NPAS3: variants seen among roughly 807,000 people sequenced by gnomAD.
The protein encoded by NPAS3 is neuronal PAS domain protein 3.
NPAS3 carries 14 observed loss-of-function variants against 73.1 expected under a neutral mutation model. That is an observed-to-expected ratio of 0.19 (90% confidence interval 0.13 to 0.30). The LOEUF is 0.30. Ranked by LOEUF, NPAS3 falls within the 10% of genes least tolerant of loss-of-function variation. The probability of loss-of-function intolerance (pLI) is 1.00; values close to 1 mark genes in which losing one functional copy is unlikely to be tolerated. For missense variants in NPAS3, 1,096 were observed against 1,250.0 expected (o/e 0.88, Z 1.86); for synonymous variants, 620 against 541.5 (o/e 1.14, Z -2.01).
chr14:33,420,316 CAA>C (rs2048318358), intron 4 of NPAS3, among the ~76,000 whole-genome samples: 1 of 151,968 alleles, frequency 6.6e-6, no homozygotes, highest in Non-Finnish European at 1.5e-5. Context: ...ACTTCTTACT[CAA>C]GTGATGCTAT....
chr14:33,583,485 C>A (rs551754779), intron 5 of NPAS3: 2 of 151,748 alleles, frequency 1.3e-5, no homozygotes, highest in African/African-American at 4.8e-5. Context: ...TTTCAGTAAA[C>A]GATATATGTA....
At chr14:33,677,493 C>T (rs2059802135) in intron 6 of NPAS3, among the ~76,000 whole-genome samples, 1 of 151,926 alleles carries the variant, frequency 6.6e-6, no homozygotes, top group African/African-American at 2.4e-5. Context: ...AATACAAAAG[C>T]ATTTTATTAA....
chr14:33,463,257 C>A lies in NPAS3; in HGVS notation c.468+95989C>A, dbSNP rs549816812. 9.9e-5 allele frequency among the ~76,000 whole-genome samples: 15 copies of A among 152,270 alleles called. No homozygotes were observed. The South Asian group carries it at 2.7e-3, about 27-fold the overall frequency. ...ATCTGTAGTAATCCTTTCTAAGTAG[C>A]CATCATCCAACCAGTGATATTTTCC... On this transcript the variant is annotated intron_variant, in intron 4 of 11. Transcript: ENST00000356141.
intron 3 of NPAS3, among the ~76,000 whole-genome samples, chr14:33,291,937 T>G (rs1047527245): frequency 6.6e-6 from 1 of 152,228 alleles, no homozygotes; most frequent in Non-Finnish European, 1.5e-5. Flanking sequence ...TCACCACTCA[T>G]GAGGCTTGGC....
intron 1 of NPAS3, among the ~76,000 whole-genome samples, chr14:33,015,904 T>C (rs2039373249): frequency 6.6e-6 from 1 of 152,196 alleles, no homozygotes; most frequent in Non-Finnish European, 1.5e-5. Flanking sequence ...CCCAGAACTA[T>C]CAAAACATAT....
At chr14:33,712,085 A>G (rs562433954) in intron 6 of NPAS3, among the ~76,000 whole-genome samples, 1 of 152,276 alleles carries the variant, frequency 6.6e-6, no homozygotes, top group South Asian at 2.1e-4. Context: ...CTGCAAATTG[A>G]CATGCAAATA....
At chr14:33,409,444 T>C (rs534102801) in intron 4 of NPAS3, among the ~76,000 whole-genome samples, 15 of 152,222 alleles carry the variant, frequency 9.9e-5, no homozygotes, top group Non-Finnish European at 1.6e-4. Flanking sequence ...TGTTTCATCC[T>C]AACTTAGAAT....
intron 4 of NPAS3, among the ~76,000 whole-genome samples, chr14:33,414,697 T>C (rs1177626288): frequency 1.3e-5 from 2 of 152,118 alleles, no homozygotes; most frequent in Admixed American, 6.6e-5. Flanking sequence ...ATACTATAAA[T>C]ATAATACTAC....
chr14:33,004,363 T>C lies in NPAS3; in HGVS notation c.51-51542T>C, dbSNP rs369614980. ...TACAACACTGTACAGCATGTTATTG[T>C]ACTGAATATTGTAGGCAGTTGTAAC... is the stretch of plus-strand genomic sequence containing the variant. On this transcript the variant is annotated intron_variant, in intron 1 of 11. Coordinates refer to ENST00000356141, the Ensembl canonical transcript of NPAS3. 4.6e-5 allele frequency among the ~76,000 whole-genome samples: 7 copies of C among 152,232 alleles called. No individual in the cohort carries two copies. The East Asian group carries it at 1.3e-3, about 29-fold the overall frequency.
At chr14:33,796,513 G>A (rs901319845) in intron 10 of NPAS3, among the ~76,000 whole-genome samples, 6 of 152,116 alleles carry the variant, frequency 3.9e-5, no homozygotes, top group South Asian at 2.1e-4. Flanking sequence ...TAGGAATTTC[G>A]CTAGAGATTA....
intron 3 of NPAS3, among the ~76,000 whole-genome samples, chr14:33,318,397 G>A (rs991272183): frequency 2.0e-5 from 3 of 152,062 alleles, no homozygotes; most frequent in African/African-American, 7.2e-5. Flanking sequence ...TTTGCAACAC[G>A]AAAAGAGTTC....
At chr14:33,292,327 C>T (rs969805404) in intron 3 of NPAS3, among the ~76,000 whole-genome samples, 3 of 152,188 alleles carry the variant, frequency 2.0e-5, no homozygotes, top group African/African-American at 7.2e-5. Flanking sequence ...AATAGACTCT[C>T]AACTCAGGAA....
chr14:33,460,124 T>C (rs1406948999), intron 4 of NPAS3, among the ~76,000 whole-genome samples: 3 of 152,228 alleles, frequency 2.0e-5, no homozygotes, highest in Admixed American at 6.5e-5. Context: ...CTCGTACACA[T>C]ACAGCTCTCT....
intron 5 of NPAS3, among the ~76,000 whole-genome samples, chr14:33,595,917 G>A (rs145643606): frequency 3.7e-3 from 564 of 152,208 alleles, no homozygotes; most frequent in African/African-American, 0.013. Context: ...TGATCCGACC[G>A]CCTAGGCCTC....
At chr14:33,306,705 T>A (rs1566780188) in intron 3 of NPAS3, among the ~76,000 whole-genome samples, 2 of 152,234 alleles carry the variant, frequency 1.3e-5, no homozygotes, top group Admixed American at 6.5e-5. Context: ...TATATTTATG[T>A]TTATGTCAGT....
In NPAS3 at chr14:33,014,765, A is replaced by G. The variant is rs184539762; in HGVS notation, c.51-41140A>G. On this transcript the variant is annotated intron_variant, in intron 1 of 11. Coordinates refer to ENST00000356141, the Ensembl canonical transcript of NPAS3. Reference sequence around the variant, plus strand: ...CAAGAAGAAAAGAACACCAGCGGGAAATTATAAACCAACATCAAGAGGTTG... The same window carrying G: ...CAAGAAGAAAAGAACACCAGCGGGAGATTATAAACCAACATCAAGAGGTTG... 3.8e-4 allele frequency among the ~76,000 whole-genome samples: 58 copies of G among 152,342 alleles called. No homozygotes were observed. The East Asian group carries it at 0.011, about 29-fold the overall frequency.
chr14:33,200,991 C>T (rs1022881237), intron 2 of NPAS3, among the ~76,000 whole-genome samples: 1 of 152,154 alleles, frequency 6.6e-6, no homozygotes, highest in Non-Finnish European at 1.5e-5. Context: ...AATAGTCTAA[C>T]CATTTCAGAA....
intron 4 of NPAS3, among the ~76,000 whole-genome samples, chr14:33,554,795 C>T (rs527543876): frequency 6.6e-6 from 1 of 152,124 alleles, no homozygotes; most frequent in South Asian, 2.1e-4. Context: ...AAAGCAGAGG[C>T]AAAACTCCTT....
intron 4 of NPAS3, among the ~76,000 whole-genome samples, chr14:33,410,234 C>A (rs998172060): frequency 6.6e-6 from 1 of 152,136 alleles, no homozygotes; most frequent in Non-Finnish European, 1.5e-5. Context: ...TTTCTGCCTA[C>A]AGTTACATTG....
Sources: gnomAD v4.1 joint callset for allele counts (sites outside exome capture counted in the v4.1 genomes callset) on GRCh38, gnomAD v4.1.1 for gene constraint, MANE v1.5 for transcripts, NCBI Gene and HGNC (gene_info 2026-07-23, HGNC 2026-07-21) for gene names.